The following CHCHD3 variants were observed in gnomAD, a reference collection of about 807,000 sequenced individuals.
The protein encoded by CHCHD3 is coiled-coil-helix-coiled-coil-helix domain containing 3.
A neutral mutation model predicts 38.2 loss-of-function variants in CHCHD3; 20 were observed. The ratio of observed to expected loss-of-function variants is 0.52; its 90% CI spans 0.37 to 0.76. The LOEUF is 0.76. Among genes scored for constraint, CHCHD3 ranks in the 30% least tolerant of loss-of-function variants. The pLI is 0.00. For missense variants in CHCHD3, 245 were observed against 279.2 expected, an observed-to-expected ratio of 0.88 and a Z score of 0.87; for synonymous variants, 82 against 100.0, an observed-to-expected ratio of 0.82 and a Z score of 1.07.
intron 6 of CHCHD3, among the ~76,000 whole-genome samples, chr7:132,814,239 T>C (rs936799486): frequency 4.6e-5 from 7 of 151,062 alleles, no homozygotes; most frequent in African/African-American, 1.5e-4. Context: ...AGGTCATACA[T>C]GTTATTTTGT....
intron 6 of CHCHD3, among the ~76,000 whole-genome samples, chr7:132,816,973 A>T (rs981249892): frequency 6.6e-6 from 1 of 152,214 alleles, no homozygotes; most frequent in Non-Finnish European, 1.5e-5. Flanking sequence ...TCAAAATGGA[A>T]GTAGGTTCAA....
At chr7:132,806,395 G>C (rs1397381791) in intron 6 of CHCHD3, among the ~76,000 whole-genome samples, 1 of 152,158 alleles carries the variant, frequency 6.6e-6, no homozygotes, top group East Asian at 1.9e-4. Context: ...GGCACTGTGG[G>C]ACAAGACCAA....
chr7:132,882,499 A>G (rs1585601212), intron 5 of CHCHD3, among the ~76,000 whole-genome samples: 1 of 133,554 alleles, frequency 7.5e-6, no homozygotes, highest in Non-Finnish European at 1.6e-5. Flanking sequence ...ATATATATAT[A>G]TTCACAATAA....
At chr7:133,009,786 T>G (rs1812811381) in intron 3 of CHCHD3, among the ~76,000 whole-genome samples, 1 of 152,218 alleles carries the variant, frequency 6.6e-6, no homozygotes, top group African/African-American at 2.4e-5. Flanking sequence ...TCATGTAAAA[T>G]GTAAGTGCAA....
chr7:132,877,248 G>A (rs1466394729), intron 5 of CHCHD3, among the ~76,000 whole-genome samples: 3 of 152,046 alleles, frequency 2.0e-5, no homozygotes, highest in South Asian at 2.1e-4. Context: ...TTTCCCATTC[G>A]AAATTTCAGA....
intron 6 of CHCHD3, among the ~76,000 whole-genome samples, chr7:132,799,033 G>A (rs1806697452): frequency 6.6e-6 from 1 of 151,488 alleles, no homozygotes; most frequent in Non-Finnish European, 1.5e-5. Context: ...GTGTGTGTGT[G>A]TGTGTGTGTG....
intron 2 of CHCHD3, among the ~76,000 whole-genome samples, chr7:133,037,562 C>T (rs1813714043): frequency 6.6e-6 from 1 of 152,166 alleles, no homozygotes; most frequent in African/African-American, 2.4e-5. Context: ...CCTGTAATCC[C>T]AGCACTTTCG....
chr7:132,914,164 G>GT (rs1810042353), intron 4 of CHCHD3, among the ~76,000 whole-genome samples: 2 of 142,050 alleles, frequency 1.4e-5, no homozygotes, highest in Non-Finnish European at 3.1e-5. Context: ...GTGTGTGTGT[G>GT]TGTTTAGTAG....
intron 3 of CHCHD3, among the ~76,000 whole-genome samples, chr7:133,020,463 T>C (rs1198836562): frequency 6.6e-6 from 1 of 152,178 alleles, no homozygotes; most frequent in Non-Finnish European, 1.5e-5. Flanking sequence ...CAGTCACAGA[T>C]GCCTAAAAAG....
intron 3 of CHCHD3, among the ~76,000 whole-genome samples, chr7:132,979,853 A>C (rs1811872551): frequency 1.3e-5 from 2 of 151,990 alleles, no homozygotes. Flanking sequence ...ACCATTCTCC[A>C]TTTCCCCAAC....
intron 5 of CHCHD3, among the ~76,000 whole-genome samples, chr7:132,879,294 G>A (rs547641194): frequency 6.6e-6 from 1 of 152,064 alleles, no homozygotes; most frequent in East Asian, 1.9e-4. Flanking sequence ...AAGAACAAAT[G>A]CATGCCACAT....
intron 7 of CHCHD3, 83 bp from the exon 8 acceptor site, chr7:132,785,743 G>T: frequency 1.4e-6 from 2 of 1,380,330 alleles, no homozygotes; most frequent in Non-Finnish European, 2.0e-6. Context: ...TATGATTTGT[G>T]TTGCTTTTCA....
At chr7:132,805,655 G>A (rs915276680) in intron 6 of CHCHD3, among the ~76,000 whole-genome samples, 23 of 152,114 alleles carry the variant, frequency 1.5e-4, no homozygotes, top group African/African-American at 5.3e-4. Context: ...TTGAGAAGGC[G>A]GATCCAGTGT....
chr7:133,001,537 T>C (rs763892130), intron 3 of CHCHD3, among the ~76,000 whole-genome samples: 43 of 152,174 alleles, frequency 2.8e-4, no homozygotes, highest in South Asian at 4.1e-4. Flanking sequence ...TTTAATTACT[T>C]GTTAATCTGA....
intron 4 of CHCHD3, among the ~76,000 whole-genome samples, chr7:132,903,139 C>T (rs1192786545): frequency 6.6e-6 from 1 of 152,176 alleles, no homozygotes; most frequent in East Asian, 1.9e-4. Flanking sequence ...CACAACTCCC[C>T]AAGACCCAAA....
chr7:133,013,451 G>T (rs530597439), intron 3 of CHCHD3, among the ~76,000 whole-genome samples: 8 of 152,168 alleles, frequency 5.3e-5, no homozygotes, highest in Non-Finnish European at 8.8e-5. Context: ...GGGCTGCTAT[G>T]AAGGTTAAAT....
intron 5 of CHCHD3, among the ~76,000 whole-genome samples, chr7:132,873,491 G>A (rs926608797): frequency 1.3e-5 from 2 of 149,172 alleles, no homozygotes; most frequent in Non-Finnish European, 3.0e-5. Flanking sequence ...TCGGCTCCCT[G>A]CAACCTCTGC....
chr7:132,810,914 G>A (rs35719921), intron 6 of CHCHD3, among the ~76,000 whole-genome samples: 67 of 151,930 alleles, frequency 4.4e-4, no homozygotes, highest in Non-Finnish European at 8.2e-4. Flanking sequence ...AAATTCACAG[G>A]CACTAAATCC....
chr7:132,968,933 C>G (rs946668501), intron 4 of CHCHD3, among the ~76,000 whole-genome samples: 1 of 152,046 alleles, frequency 6.6e-6, no homozygotes, highest in Non-Finnish European at 1.5e-5. Context: ...AAACCGTTTT[C>G]TTTTTTACCA....
Sources: gnomAD v4.1 joint callset for allele counts (sites outside exome capture counted in the v4.1 genomes callset) on GRCh38, gnomAD v4.1.1 for gene constraint, MANE v1.5 for transcripts, NCBI Gene and HGNC (gene_info 2026-07-23, HGNC 2026-07-21) for gene names.